Variants in RIN3 observed in about 807,000 individuals in gnomAD.
RIN3 encodes the protein Ras and Rab interactor 3, also known as RAB5 interacting protein 3.
Under a neutral mutation model 76.3 loss-of-function variants are expected in RIN3, and 54 were observed. The observed-to-expected ratio is 0.71, with a 90% CI of 0.57 to 0.89. The LOEUF is 0.89. Ranked by LOEUF, RIN3 falls within the 40% of genes least tolerant of loss-of-function variation. The probability of loss-of-function intolerance (pLI) is 0.00; values close to 1 mark genes in which losing one functional copy is unlikely to be tolerated. For missense variants in RIN3, 1,256 were observed against 1,322.1 expected (o/e 0.95, Z 0.78); for synonymous variants, 576 against 564.0 (o/e 1.02, Z -0.30).
chr14:92,627,741 A>G (rs2181376), intron 4 of RIN3, among the ~76,000 whole-genome samples: 136,189 of 152,236 alleles, frequency 0.89, 61,158 homozygotes, highest in African/African-American at 0.94. Flanking sequence ...GCAGTGGGTC[A>G]CGTCTCCCCC....
At chr14:92,584,256 G>A (rs1884682550) in intron 3 of RIN3, among the ~76,000 whole-genome samples, 1 of 152,226 alleles carries the variant, frequency 6.6e-6, no homozygotes, top group Non-Finnish European at 1.5e-5. Context: ...AACAACTTGT[G>A]TATATTGCAA....
intron 3 of RIN3, among the ~76,000 whole-genome samples, chr14:92,612,301 C>T (rs1180915100): frequency 6.6e-6 from 1 of 152,094 alleles, no homozygotes; most frequent in African/African-American, 2.4e-5. Flanking sequence ...CAGTACAGGA[C>T]AGGGGGCAGT....
At chr14:92,550,966 A>G (rs1170905698) in intron 1 of RIN3, among the ~76,000 whole-genome samples, 3 of 152,190 alleles carry the variant, frequency 2.0e-5, no homozygotes, top group African/African-American at 4.8e-5. Flanking sequence ...GTAACCCTCA[A>G]TGTTTTTCTC....
chr14:92,625,830 C>T (rs367955137), intron 4 of RIN3, among the ~76,000 whole-genome samples: 45 of 152,154 alleles, frequency 3.0e-4, no homozygotes, highest in African/African-American at 1.1e-3. Flanking sequence ...GCATAAGTTT[C>T]ATTTTTTGTT....
At chr14:92,599,249 G>GAC (rs10677254) in intron 3 of RIN3, among the ~76,000 whole-genome samples, 1 of 151,810 alleles carries the variant, frequency 6.6e-6, no homozygotes, top group African/African-American at 2.4e-5. Context: ...GCCCTTGGGG[G>GAC]TGTGAAGACT....
intron 4 of RIN3, among the ~76,000 whole-genome samples, chr14:92,630,368 T>TGA (rs1886532146): frequency 6.6e-6 from 1 of 152,190 alleles, no homozygotes; most frequent in Non-Finnish European, 1.5e-5. Context: ...GGCACATGCC[T>TGA]GTAATCCCAG....
At chr14:92,545,175 T>C (rs1595402646) in intron 1 of RIN3, among the ~76,000 whole-genome samples, 1 of 144,878 alleles carries the variant, frequency 6.9e-6, no homozygotes, top group African/African-American at 2.6e-5. Context: ...AGTGGCACAG[T>C]CTCCACTCAC....
chr14:92,629,152 AGATT>A (rs1243823112), intron 4 of RIN3, among the ~76,000 whole-genome samples: 11 of 110,538 alleles, frequency 1.0e-4, no homozygotes, highest in African/African-American at 2.5e-4. Flanking sequence ...AGAGAGAGAG[AGATT>A]GATTGATTGA....
Position 92,676,512 on chromosome 14 carries a change from C to T in RIN3, c.2373C>T (p.Leu791=). ...PYGADDFLPV[L]MYVLARSNLT... ...GGGCGGATGACTTCCTGCCTGTGCT[C>T]ATGTATGTGCTGGCCCGCAGCAACC... is the stretch of plus-strand genomic sequence containing the variant. Residue 791 remains leucine (L), a synonymous_variant, in exon 8 of 10, where the codon CTC becomes CTT. Coordinates refer to ENST00000216487, the MANE Select transcript of RIN3 (RefSeq NM_024832.5). 3 of 1,614,158 alleles carry T rather than the reference C, an allele frequency of 1.9e-6. No individual in the cohort carries two copies. Among genetic ancestry groups the T allele is most frequent in the Non-Finnish European group, 2.5e-6 (3 of 1,180,008 alleles).
At chr14:92,544,413 G>T (rs1363646489) in intron 1 of RIN3, among the ~76,000 whole-genome samples, 1 of 74,454 alleles carries the variant, frequency 1.3e-5, no homozygotes, top group East Asian at 3.5e-4. Context: ...TGTGACAGCT[G>T]TGGGGGGGGG....
chr14:92,610,523 G>A (rs1885694498), intron 3 of RIN3, among the ~76,000 whole-genome samples: 1 of 152,196 alleles, frequency 6.6e-6, no homozygotes, highest in Admixed American at 6.5e-5. Flanking sequence ...CCCGGCTGTA[G>A]TCCAACAGCC....
intron 1 of RIN3, among the ~76,000 whole-genome samples, chr14:92,533,492 A>C (rs1203321026): frequency 6.6e-6 from 1 of 152,236 alleles, no homozygotes; most frequent in Non-Finnish European, 1.5e-5. Context: ...GTAGATAAAG[A>C]AATTGTGGTC....
At chr14:92,610,940 C>T (rs1250858684) in intron 3 of RIN3, among the ~76,000 whole-genome samples, 2 of 152,176 alleles carry the variant, frequency 1.3e-5, no homozygotes, top group East Asian at 3.8e-4. Flanking sequence ...GGCACTGTTC[C>T]AAGCCACTCC....
Position 92,568,890 on chromosome 14 carries a change from T to C in RIN3, c.250-8470T>C, listed in dbSNP as rs182840089. ...ACTTTCCAGCCCTGTCGACAAGCTGTGTAGATAACACAGCCCAACAGCGAG... is the reference window on the plus strand; with the variant it reads ...ACTTTCCAGCCCTGTCGACAAGCTGCGTAGATAACACAGCCCAACAGCGAG... On this transcript the variant is annotated intron_variant, in intron 2 of 9. Coordinates refer to ENST00000216487, the MANE Select transcript of RIN3 (RefSeq NM_024832.5). This position sits in a 1 kb window ranked among gnomAD's most constrained non-coding sequence, Gnocchi z 4.2. Among the ~76,000 whole-genome samples, 464 of 152,326 alleles carry C rather than the reference T, an allele frequency of 3.0e-3. 1 individual carries two copies. The highest frequency in any genetic ancestry group is 0.011 in the African/African-American group (441 of 41,572).
Position 92,676,573 on chromosome 14 carries a change from G to C in RIN3, c.2434G>C (p.Glu812Gln), listed in dbSNP as rs1384528943. Residue 812 changes from glutamate to glutamine, a missense_variant, in exon 8 of 10, where the codon GAG (glutamate) becomes CAG (glutamine). Glu to Gln is a conservative substitution (Grantham distance 29, BLOSUM62 2). Coordinates refer to ENST00000216487, the MANE Select transcript of RIN3 (RefSeq NM_024832.5). The stretch of plus-strand genomic sequence containing the variant: ...GCTTCTCAATGTGGAGTACATGATG[G>C]AGCTCATGGACCCCGCCCTGCAGCT... ...EMLLNVEYMM[E>Q]LMDPALQLGE... The C allele has an allele frequency of 6.2e-7, 1 of 1,613,998 alleles. No homozygotes were observed. The highest frequency in any genetic ancestry group is 1.1e-5 in the South Asian group (1 of 91,084).
intron 3 of RIN3, among the ~76,000 whole-genome samples, chr14:92,612,092 C>T (rs535655428): frequency 6.6e-6 from 1 of 152,300 alleles, no homozygotes; most frequent in East Asian, 1.9e-4. Flanking sequence ...CCCATGATCC[C>T]ATCACCTCCC....
At chr14:92,581,984 G>GC (rs1884560539) in intron 3 of RIN3, among the ~76,000 whole-genome samples, 1 of 152,200 alleles carries the variant, frequency 6.6e-6, no homozygotes, top group Non-Finnish European at 1.5e-5. Context: ...TGATCAGACA[G>GC]CACCCGGGGG....
chr14:92,640,835 C>T lies in RIN3; in HGVS notation c.441-403C>T, dbSNP rs150884046. Among the ~76,000 whole-genome samples, 460 of 151,672 alleles carry T rather than the reference C, an allele frequency of 3.0e-3. 10 individuals carry two copies. The East Asian group carries it at 0.038, about 12-fold the overall frequency. On this transcript the variant is annotated intron_variant, in intron 4 of 9. Transcript: ENST00000216487. ...GTGTTCGTCGGGGGCTGCCTGACTGCATTTGCTGGGAGATGCCTGACTGTG... is the reference window on the plus strand; with the variant it reads ...GTGTTCGTCGGGGGCTGCCTGACTGTATTTGCTGGGAGATGCCTGACTGTG...
chr14:92,530,268 G>C (rs1403844768), intron 1 of RIN3, among the ~76,000 whole-genome samples: 3 of 152,174 alleles, frequency 2.0e-5, no homozygotes, highest in Non-Finnish European at 4.4e-5. Flanking sequence ...CTCCAGTCTT[G>C]GGGCCTTGGT....
Sources: gnomAD v4.1 joint callset for allele counts (sites outside exome capture counted in the v4.1 genomes callset) on GRCh38, gnomAD v4.1.1 for gene constraint, Gnocchi (gnomAD v3.1) non-coding constraint, MANE v1.5 for transcripts, NCBI Gene and HGNC (gene_info 2026-07-23, HGNC 2026-07-21) for gene names.